CTNNA2: variants seen among roughly 807,000 people sequenced by gnomAD.
The protein encoded by CTNNA2 is catenin alpha 2, also known as catenin alpha-2.
CTNNA2 carries 42 observed loss-of-function variants against 101.0 expected under a neutral mutation model. The observed-to-expected ratio is 0.42, with a 90% CI of 0.32 to 0.54. The LOEUF (loss-of-function observed/expected upper bound fraction) is 0.54, where lower values mean the gene tolerates loss of function less well. Among genes scored for constraint, CTNNA2 ranks in the 20% least tolerant of loss-of-function variants. The probability of loss-of-function intolerance (pLI) is 0.14; values close to 1 mark genes in which losing one functional copy is unlikely to be tolerated. For synonymous variants in CTNNA2, 450 were observed against 456.4 expected (o/e 0.99, Z 0.18); for missense variants, 871 against 1,223.1 (o/e 0.71, Z 4.29).
chr2:80,146,733 T>G (rs934535938), intron 7 of CTNNA2, among the ~76,000 whole-genome samples: 9 of 122,954 alleles, frequency 7.3e-5, no homozygotes, highest in Non-Finnish European at 1.5e-4. Flanking sequence ...TTTTTTTTTT[T>G]TTTTTTTTTG....
intron 9 of CTNNA2, among the ~76,000 whole-genome samples, chr2:80,446,641 G>A (rs186238092): frequency 6.6e-6 from 1 of 152,224 alleles, no homozygotes; most frequent in Admixed American, 6.5e-5. Context: ...TTTAAAAAGG[G>A]AGGAAGAAGA....
chr2:80,380,929 A>G (rs192002794), intron 7 of CTNNA2, among the ~76,000 whole-genome samples: 360 of 152,270 alleles, frequency 2.4e-3, no homozygotes, highest in South Asian at 6.2e-3. Flanking sequence ...GATGTGAGAC[A>G]TGTGTTCCAG....
At chr2:80,195,969 G>A (rs975423177) in intron 7 of CTNNA2, among the ~76,000 whole-genome samples, 2 of 152,068 alleles carry the variant, frequency 1.3e-5, no homozygotes, top group Admixed American at 1.3e-4. Flanking sequence ...GCTCTCTATA[G>A]TCCTGAGACA....
intron 4 of CTNNA2, among the ~76,000 whole-genome samples, chr2:79,471,318 A>C (rs1390138473): frequency 6.6e-6 from 1 of 152,138 alleles, no homozygotes; most frequent in Non-Finnish European, 1.5e-5. Context: ...TAAAGAACAG[A>C]ATTTTATTTC....
At chr2:79,870,452 CAG>C (rs1303219475) in intron 5 of CTNNA2, among the ~76,000 whole-genome samples, 6 of 118,194 alleles carry the variant, frequency 5.1e-5, no homozygotes, top group Middle Eastern at 4.5e-3. Context: ...GGAGAGAGAA[CAG>C]GGGGAAAAGG....
chr2:80,014,653 C>T (rs1425214857), intron 7 of CTNNA2, among the ~76,000 whole-genome samples: 1 of 152,198 alleles, frequency 6.6e-6, no homozygotes, highest in Non-Finnish European at 1.5e-5. Flanking sequence ...CAGCAATACA[C>T]AGACACAAAG....
At chr2:79,365,461 A>G (rs2104450432) in intron 3 of CTNNA2, among the ~76,000 whole-genome samples, 1 of 151,350 alleles carries the variant, frequency 6.6e-6, no homozygotes, top group South Asian at 2.1e-4. Context: ...CCATCTCTAC[A>G]AATTTTTTTT....
intron 9 of CTNNA2, among the ~76,000 whole-genome samples, chr2:80,439,660 C>T (rs867915126): frequency 6.6e-5 from 10 of 152,102 alleles, no homozygotes; most frequent in Non-Finnish European, 7.4e-5. Flanking sequence ...CTTGGCCTCC[C>T]GAAATGCTGG....
chr2:79,246,335 T>G (rs1674700139), intron 2 of CTNNA2, among the ~76,000 whole-genome samples: 1 of 152,180 alleles, frequency 6.6e-6, no homozygotes, highest in Admixed American at 6.5e-5. Flanking sequence ...CAAAATGGTT[T>G]TTTATCCTGT....
intron 7 of CTNNA2, among the ~76,000 whole-genome samples, chr2:79,926,347 G>A (rs1687019333): frequency 6.6e-6 from 1 of 152,096 alleles, no homozygotes; most frequent in African/African-American, 2.4e-5. Context: ...TTAGTTTTTA[G>A]AAGAATATAG....
rs577556384 is a variant in CTNNA2 at position 80,048,050 on chromosome 2, G to A, written c.1056+138253G>A. ...CTATGTTATAACCAAAGAGGAGGCCGCTATGGGTCACTTGATGAAAATAAT... is the reference window on the plus strand; with the variant it reads ...CTATGTTATAACCAAAGAGGAGGCCACTATGGGTCACTTGATGAAAATAAT... On this transcript the variant is annotated intron_variant, in intron 7 of 18. Coordinates refer to ENST00000402739, the MANE Select transcript of CTNNA2 (RefSeq NM_001282597.3). Among the ~76,000 whole-genome samples, 13 of 152,174 alleles carry A rather than the reference G, an allele frequency of 8.5e-5. No homozygotes were observed. In the South Asian group the frequency reaches 2.3e-3, roughly 27 times the overall value.
At chr2:80,528,661 A>G (rs1690250372) in intron 9 of CTNNA2, among the ~76,000 whole-genome samples, 1 of 152,160 alleles carries the variant, frequency 6.6e-6, no homozygotes, top group Non-Finnish European at 1.5e-5. Context: ...ACCACATAGA[A>G]GGTGCAACCC....
chr2:80,038,721 C>G (rs1278246310), intron 7 of CTNNA2, among the ~76,000 whole-genome samples: 1 of 152,178 alleles, frequency 6.6e-6, no homozygotes, highest in Non-Finnish European at 1.5e-5. Context: ...TGGAGGGTGC[C>G]TTTAATCCCA....
At chr2:79,911,626 G>A (rs975462411) in intron 7 of CTNNA2, among the ~76,000 whole-genome samples, 1 of 152,154 alleles carries the variant, frequency 6.6e-6, no homozygotes. Flanking sequence ...GCCTCGTGAT[G>A]CAGGAATGTT....
At chr2:79,858,951 C>T (rs1029803194) in intron 4 of CTNNA2, among the ~76,000 whole-genome samples, 2 of 151,544 alleles carry the variant, frequency 1.3e-5, no homozygotes, top group African/African-American at 2.4e-5. Flanking sequence ...CATTTTTCTA[C>T]TTGCTGATTG....
chr2:79,943,970 T>G (rs142968899), intron 7 of CTNNA2, among the ~76,000 whole-genome samples: 2 of 152,320 alleles, frequency 1.3e-5, no homozygotes, highest in African/African-American at 4.8e-5. Flanking sequence ...GGGAGATTCT[T>G]GAGAATGAGT....
chr2:79,681,436 C>T (rs1683556077), intron 2 of CTNNA2, among the ~76,000 whole-genome samples: 1 of 152,140 alleles, frequency 6.6e-6, no homozygotes, highest in Non-Finnish European at 1.5e-5. Context: ...GACTTTTGCA[C>T]CAGTGATGTA....
chr2:80,287,061 G>T (rs1019286266), intron 7 of CTNNA2, among the ~76,000 whole-genome samples: 1 of 152,168 alleles, frequency 6.6e-6, no homozygotes, highest in African/African-American at 2.4e-5. Flanking sequence ...ACAGTCCAGA[G>T]TTGATTGCTA....
chr2:79,339,123 G>A (rs1165470540), intron 3 of CTNNA2, among the ~76,000 whole-genome samples: 1 of 135,558 alleles, frequency 7.4e-6, no homozygotes, highest in Non-Finnish European at 1.6e-5. Context: ...GTTTCTGTAG[G>A]GAGAGAGTGA....
Sources: gnomAD v4.1 joint callset for allele counts (sites outside exome capture counted in the v4.1 genomes callset) on GRCh38, gnomAD v4.1.1 for gene constraint, MANE v1.5 for transcripts, NCBI Gene and HGNC (gene_info 2026-07-23, HGNC 2026-07-21) for gene names.